HESX1: variants seen among roughly 807,000 people sequenced by gnomAD.
HESX1 encodes the protein homeobox expressed in ES cells 1.
In HESX1, 11 loss-of-function variants were observed where a neutral mutation model predicts 22.5. That is an observed-to-expected ratio of 0.49 (90% CI 0.31 to 0.81). HESX1 has a LOEUF of 0.81. Among genes scored for constraint, HESX1 ranks in the 30% least tolerant of loss-of-function variants. The pLI, the probability that HESX1 is intolerant of heterozygous loss-of-function variation, is 0.05. For missense variants in HESX1, 201 were observed against 212.6 expected, an observed-to-expected ratio of 0.95 and a Z score of 0.34; for synonymous variants, 74 against 76.5, an observed-to-expected ratio of 0.97 and a Z score of 0.17.
At chr3:57,225,881 C>CTTTTTTTT (rs540522007) in intron 1 of HESX1, among the ~76,000 whole-genome samples, 1 of 132,130 alleles carries the variant, frequency 7.6e-6, no homozygotes. Context: ...CTTTTCTTTT[C>CTTTTTTTT]TTTTTTTTTT....
upstream of HESX1, among the ~76,000 whole-genome samples, chr3:57,203,070 G>T (rs939479132): frequency 6.6e-6 from 1 of 152,196 alleles, no homozygotes; most frequent in Admixed American, 6.5e-5. Flanking sequence ...GAGTTCCAGT[G>T]CAAAGAGAAG....
intron 1 of HESX1, 102 bp downstream of exon 1, chr3:57,199,660 A>C (rs1579348987): frequency 2.5e-6 from 2 of 790,144 alleles, no homozygotes; most frequent in East Asian, 6.1e-5. Context: ...AATAAATTAA[A>C]TTAAAGTCCT....
At chr3:57,220,091 A>T (rs114136656) in intron 1 of HESX1, among the ~76,000 whole-genome samples, 3,637 of 152,302 alleles carry the variant, frequency 0.024, 68 homozygotes, top group South Asian at 0.039. Context: ...TTTATTAAAC[A>T]GGGAGTCCTT....
intron 1 of HESX1, among the ~76,000 whole-genome samples, chr3:57,213,539 G>A (rs977192622): frequency 1.3e-5 from 2 of 152,150 alleles, no homozygotes; most frequent in South Asian, 2.1e-4. Flanking sequence ...TAATCTAATC[G>A]CTGTAGATTA....
At chr3:57,205,296 G>A (rs2060513615) in intron 1 of HESX1, among the ~76,000 whole-genome samples, 1 of 152,172 alleles carries the variant, frequency 6.6e-6, no homozygotes, top group South Asian at 2.1e-4. Context: ...CATAGTCCCA[G>A]CTATTTGGGA....
intron 1 of HESX1, among the ~76,000 whole-genome samples, chr3:57,224,651 A>G (rs1385013973): frequency 6.6e-6 from 1 of 152,198 alleles, no homozygotes; most frequent in African/African-American, 2.4e-5. Flanking sequence ...GATAACTTTT[A>G]TGTGTGCATT....
At chr3:57,205,024 C>A (rs1195476588) in intron 1 of HESX1, among the ~76,000 whole-genome samples, 1 of 152,148 alleles carries the variant, frequency 6.6e-6, no homozygotes, top group East Asian at 1.9e-4. Flanking sequence ...GTCCCTGCTT[C>A]CACCCTGGAC....
chr3:57,204,958 A>G (rs1056767573), upstream of HESX1, among the ~76,000 whole-genome samples: 1 of 152,218 alleles, frequency 6.6e-6, no homozygotes, highest in Non-Finnish European at 1.5e-5. Context: ...ACAAGAATAC[A>G]GTCAAGAGAG....
upstream of HESX1, among the ~76,000 whole-genome samples, chr3:57,200,982 G>A (rs562889057): frequency 6.6e-6 from 1 of 152,210 alleles, no homozygotes. Flanking sequence ...TGTTCCCCCC[G>A]CAAAGGTATA....
chr3:57,224,008 A>G (rs1388086443), intron 1 of HESX1, among the ~76,000 whole-genome samples: 1 of 151,992 alleles, frequency 6.6e-6, no homozygotes, highest in African/African-American at 2.4e-5. Context: ...TTTTGTTTTA[A>G]TTTAGACTGA....
At chr3:57,225,229 G>T (rs2060635269) in intron 1 of HESX1, among the ~76,000 whole-genome samples, 1 of 152,198 alleles carries the variant, frequency 6.6e-6, no homozygotes, top group Non-Finnish European at 1.5e-5. Flanking sequence ...TAAAGCTAGA[G>T]AATCCAAATG....
intron 1 of HESX1, among the ~76,000 whole-genome samples, chr3:57,214,391 T>C (rs2060572619): frequency 6.6e-6 from 1 of 152,212 alleles, no homozygotes; most frequent in African/African-American, 2.4e-5. Context: ...CAAGTGACTA[T>C]GGGAACAGAA....
chr3:57,214,013 G>T (rs887679008), intron 1 of HESX1, among the ~76,000 whole-genome samples: 2 of 152,208 alleles, frequency 1.3e-5, no homozygotes, highest in Non-Finnish European at 2.9e-5. Flanking sequence ...AGAGCATAGA[G>T]ATGAAATCAT....
chr3:57,226,516 T>A (rs984750324), exon 1 of HESX1: 26 of 152,220 alleles, frequency 1.7e-4, no homozygotes, highest in Non-Finnish European at 1.0e-4. Flanking sequence ...ATTGTAACAC[T>A]AAAAATAATT....
intron 1 of HESX1, among the ~76,000 whole-genome samples, chr3:57,214,912 G>A (rs2060575272): frequency 6.6e-6 from 1 of 151,990 alleles, no homozygotes. Context: ...ATGAAGGAGG[G>A]TTTATCAGTC....
intron 1 of HESX1, among the ~76,000 whole-genome samples, chr3:57,206,865 G>T (rs1050635255): frequency 6.6e-6 from 1 of 152,214 alleles, no homozygotes; most frequent in African/African-American, 2.4e-5. Context: ...GCCACCTCAT[G>T]AGGGAAAGCC....
At chr3:57,203,563 G>GT (rs1014181365), upstream of HESX1, among the ~76,000 whole-genome samples, 15 of 150,132 alleles carry the variant, frequency 1.0e-4, no homozygotes, top group Admixed American at 1.3e-4. Context: ...TTTTGTTTTT[G>GT]TTTTTTTTTG....
chr3:57,202,656 G>A (rs1018505424), upstream of HESX1, among the ~76,000 whole-genome samples: 1 of 152,160 alleles, frequency 6.6e-6, no homozygotes, highest in African/African-American at 2.4e-5. Flanking sequence ...GACTTTTACA[G>A]GGCACTTAAT....
upstream of HESX1, among the ~76,000 whole-genome samples, chr3:57,203,030 A>G (rs2060499040): frequency 6.6e-6 from 1 of 152,230 alleles, no homozygotes; most frequent in African/African-American, 2.4e-5. Context: ...AGGCTGGATA[A>G]TGGATGGCCT....
Sources: gnomAD v4.1 joint callset for allele counts (sites outside exome capture counted in the v4.1 genomes callset) on GRCh38, gnomAD v4.1.1 for gene constraint, MANE v1.5 for transcripts, NCBI Gene and HGNC (gene_info 2026-07-23, HGNC 2026-07-21) for gene names.